The following KCNT2 variants were observed in gnomAD, a reference collection of about 807,000 sequenced individuals.
KCNT2 encodes potassium sodium-activated channel subfamily T member 2.
Under a neutral mutation model 153.8 loss-of-function variants are expected in KCNT2, and 67 were observed. The observed-to-expected ratio is 0.44, with a 90% CI of 0.36 to 0.53. KCNT2 has a LOEUF of 0.53. Ranked by LOEUF, KCNT2 falls within the 20% of genes least tolerant of loss-of-function variation. The probability of loss-of-function intolerance (pLI) is 0.00; values close to 1 mark genes in which losing one functional copy is unlikely to be tolerated. For synonymous variants in KCNT2, 500 were observed against 458.8 expected (o/e 1.09, Z -1.15); for missense variants, 975 against 1,354.8 (o/e 0.72, Z 4.40).
At chr1:196,603,119 G>A (rs1429559414) in intron 1 of KCNT2, among the ~76,000 whole-genome samples, 2 of 152,042 alleles carry the variant, frequency 1.3e-5, no homozygotes, top group African/African-American at 4.8e-5. Context: ...ATCTGTTTAA[G>A]TTTCTAATTT....
At chr1:196,243,769 T>C (rs1655171943) in intron 26 of KCNT2, among the ~76,000 whole-genome samples, 1 of 152,152 alleles carries the variant, frequency 6.6e-6, no homozygotes. Flanking sequence ...GTCTAGGCCA[T>C]AAGGACTGAA....
At chr1:196,519,506 G>A (rs1466759103) in intron 1 of KCNT2, among the ~76,000 whole-genome samples, 2 of 151,130 alleles carry the variant, frequency 1.3e-5, no homozygotes, top group African/African-American at 4.9e-5. Context: ...TGAATCTGGG[G>A]GTTAATTTTT....
In KCNT2 at chr1:196,522,611, G is replaced by A. The variant is rs9803821; in HGVS notation, c.96-30270C>T. 5.4e-4 allele frequency among the ~76,000 whole-genome samples: 82 copies of A among 152,304 alleles called. 1 individual carries two copies. The highest frequency in any genetic ancestry group is 1.9e-3 in the African/African-American group (79 of 41,562). On this transcript the variant is annotated intron_variant, in intron 1 of 27. Coordinates refer to ENST00000294725, the MANE Select transcript of KCNT2 (RefSeq NM_198503.5). ...AAGCCAGCGGGACTTCCTGGGTCGA[G>A]TGGGGACTTAGAGAACTTTTCTGTC...
At chr1:196,565,467 G>GA (rs1659996814) in intron 1 of KCNT2, among the ~76,000 whole-genome samples, 2 of 151,550 alleles carry the variant, frequency 1.3e-5, no homozygotes, top group African/African-American at 4.8e-5. Flanking sequence ...ATAACGTGTT[G>GA]AAAAAATACC....
At chr1:196,439,569 A>G (rs1675040057) in intron 8 of KCNT2, among the ~76,000 whole-genome samples, 1 of 152,000 alleles carries the variant, frequency 6.6e-6, no homozygotes, top group African/African-American at 2.4e-5. Flanking sequence ...AGTAGGGGAT[A>G]AAGGCAATGG....
At chr1:196,436,131 G>C (rs996822024) in intron 8 of KCNT2, among the ~76,000 whole-genome samples, 1 of 151,136 alleles carries the variant, frequency 6.6e-6, no homozygotes, top group African/African-American at 2.4e-5. Flanking sequence ...ACATTATATA[G>C]TCATAGCATC....
At chr1:196,411,521 T>C (rs1159649762) in intron 12 of KCNT2, among the ~76,000 whole-genome samples, 1 of 151,194 alleles carries the variant, frequency 6.6e-6, no homozygotes, top group Non-Finnish European at 1.5e-5. Context: ...CTTTCCATTT[T>C]CCATTTATTT....
At chr1:196,443,948 A>C (rs2148596037) in intron 8 of KCNT2, among the ~76,000 whole-genome samples, 1 of 151,642 alleles carries the variant, frequency 6.6e-6, no homozygotes, top group African/African-American at 2.4e-5. Context: ...TTATAGAATT[A>C]CAGATAATAT....
At position 196,226,320 on chromosome 1, in the gene KCNT2, T is replaced by A. The variant is rs561725300; in HGVS notation, c.*1904A>T. The A allele has an allele frequency of 2.0e-5, 3 of 152,008 alleles. No homozygotes were observed. Among genetic ancestry groups the A allele is most frequent in the Non-Finnish European group, 4.4e-5 (3 of 67,872 alleles). 9.4% of individuals were successfully genotyped at this position (152,008 alleles called of 1,614,324 possible). ...GATATGCAAATATAAAACAAGTTCA[T>A]AAAATTTATTGTTTTTCTCTGTTAC... is the stretch of plus-strand genomic sequence containing the variant. On this transcript the variant is annotated 3_prime_UTR_variant, in exon 28 of 28. Transcript: ENST00000294725.
intron 5 of KCNT2, among the ~76,000 whole-genome samples, chr1:196,469,330 T>C (rs190591614): frequency 3.9e-5 from 6 of 152,124 alleles, no homozygotes; most frequent in South Asian, 4.1e-4. Context: ...TATCAAGTAA[T>C]ATGTCATGGA....
At chr1:196,507,408 G>A (rs1266852178) in intron 1 of KCNT2, among the ~76,000 whole-genome samples, 4 of 152,126 alleles carry the variant, frequency 2.6e-5, no homozygotes, top group Non-Finnish European at 4.4e-5. Flanking sequence ...AGACATTAAT[G>A]TATAGAGTTT....
rs963218775 is a variant in KCNT2 at position 196,273,501 on chromosome 1, G to C, written c.2910+7359C>G. 4.3e-5 allele frequency: 66 copies of C among 1,528,402 alleles called. 1 individual carries two copies. The highest frequency in any genetic ancestry group is 5.6e-5 in the Non-Finnish European group (64 of 1,140,854). 94.7% of individuals were successfully genotyped at this position (1,528,402 alleles called of 1,614,324 possible). A position where few individuals can be genotyped will look rare whatever the true frequency, so the allele number is the denominator to read the frequency against. ...CTATTTTTCGAGACTGACACAACGG[G>C]AGGGAAAAAGAAACACACAAAACAC... On this transcript the variant is annotated intron_variant, in intron 25 of 27. Coordinates refer to ENST00000294725, the MANE Select transcript of KCNT2 (RefSeq NM_198503.5).
intron 27 of KCNT2, among the ~76,000 whole-genome samples, chr1:196,230,003 A>G (rs1653810047): frequency 1.3e-5 from 2 of 152,094 alleles, no homozygotes; most frequent in African/African-American, 4.8e-5. Context: ...CAGAAGCTAC[A>G]GCAAGTTATC....
At chr1:196,462,025 A>G (rs1171097880) in intron 8 of KCNT2, among the ~76,000 whole-genome samples, 1 of 151,744 alleles carries the variant, frequency 6.6e-6, no homozygotes, top group Non-Finnish European at 1.5e-5. Flanking sequence ...TGTACATATT[A>G]CAAGTTCTGA....
chr1:196,467,631 T>C (rs910148891), intron 7 of KCNT2, 72 bp downstream of exon 7: 5 of 989,778 alleles, frequency 5.1e-6, no homozygotes, highest in African/African-American at 4.9e-5. Flanking sequence ...TCTCTCTCTG[T>C]TTAATCTAAA....
chr1:196,343,838 G>A (rs1572108459), intron 14 of KCNT2, among the ~76,000 whole-genome samples: 1 of 152,072 alleles, frequency 6.6e-6, no homozygotes, highest in African/African-American at 2.4e-5. Flanking sequence ...GGACAGCAAT[G>A]GCACGATCTC....
chr1:196,405,023 A>C (rs1277338807), intron 12 of KCNT2, among the ~76,000 whole-genome samples: 1 of 151,702 alleles, frequency 6.6e-6, no homozygotes, highest in African/African-American at 2.4e-5. Flanking sequence ...CAGAACAAAC[A>C]TCAGTAATTT....
chr1:196,571,029 A>G (rs1219863118), intron 1 of KCNT2, among the ~76,000 whole-genome samples: 1 of 152,094 alleles, frequency 6.6e-6, no homozygotes, highest in African/African-American at 2.4e-5. Flanking sequence ...ATATTAGTTC[A>G]TCTTCCCCTC....
At chr1:196,572,734 G>A (rs997358914) in intron 1 of KCNT2, among the ~76,000 whole-genome samples, 2 of 152,080 alleles carry the variant, frequency 1.3e-5, no homozygotes, top group African/African-American at 2.4e-5. Context: ...AAAATCTGAT[G>A]AAGAGGAGAA....
Sources: allele counts gnomAD v4.1 joint callset (sites outside exome capture counted in the v4.1 genomes callset), GRCh38; gene constraint gnomAD v4.1.1; transcripts MANE v1.5; gene names NCBI Gene and HGNC (gene_info 2026-07-23, HGNC 2026-07-21).